Variants in CALHM2 observed in about 807,000 individuals in gnomAD.
CALHM2 encodes the protein calcium homeostasis modulator protein 2.
Under a neutral mutation model 20.4 loss-of-function variants are expected in CALHM2, and 18 were observed. That is an observed-to-expected ratio of 0.88 (90% confidence interval 0.61 to 1.31). The LOEUF (loss-of-function observed/expected upper bound fraction) is 1.31. Among genes scored for constraint, CALHM2 ranks in the 50% most tolerant of loss-of-function variants. CALHM2 has a pLI of 0.00. For synonymous variants in CALHM2, 193 were observed against 192.1 expected (o/e 1.00, Z -0.04); for missense variants, 411 against 435.7 (o/e 0.94, Z 0.50).
In CALHM2 at chr10:103,446,861, C is replaced by T; in HGVS notation, c.*291G>A. 3.0e-6 allele frequency: 1 copy of T among 335,718 alleles called. No individual in the cohort carries two copies. Among genetic ancestry groups the T allele is most frequent in the Non-Finnish European group, 5.3e-6 (1 of 186,924 alleles). The allele number at this position is 335,718 out of a possible 1,614,324, so 20.8% of individuals were successfully genotyped here. A position where few individuals can be genotyped will look rare whatever the true frequency, so the allele number is the denominator to read the frequency against. The stretch of plus-strand genomic sequence containing the variant: ...CCAGAGGCTGCACTGGAGGCCACTT[C>T]CCAGTGGTGCACTGCTGCGCTGGGT... On this transcript the variant is annotated 3_prime_UTR_variant, in exon 4 of 4. Coordinates refer to ENST00000260743, the MANE Select transcript of CALHM2 (RefSeq NM_015916.5).
chr10:103,448,934 C>T (rs1295484585), intron 3 of CALHM2, among the ~76,000 whole-genome samples: 8 of 152,072 alleles, frequency 5.3e-5, no homozygotes, highest in South Asian at 2.1e-4. Flanking sequence ...TCCATCCTGA[C>T]CCAAGGGACT....
rs771980308 is a variant in CALHM2 at position 103,447,145 on chromosome 10, C to T, written c.*7G>A. The stretch of plus-strand genomic sequence containing the variant: ...TGCCATTTACAAAGAGCATGGGAAG[C>T]ACCTCCTTAGGAGGGGAGCAGGGCC... On this transcript the variant is annotated 3_prime_UTR_variant, in exon 4 of 4. Transcript: ENST00000260743. 3 of 1,586,250 alleles carry T rather than the reference C, an allele frequency of 1.9e-6. No homozygotes were observed. Among genetic ancestry groups the T allele is most frequent in the East Asian group, 2.2e-5 (1 of 44,460 alleles).
chr10:103,451,537 T>C (rs970296422), intron 1 of CALHM2: 2 of 153,272 alleles, frequency 1.3e-5, no homozygotes, highest in East Asian at 3.8e-4. Flanking sequence ...GATCACCCCT[T>C]CTGTCCCTGC....
Position 103,449,523 on chromosome 10 carries a change from G to T in CALHM2, c.419C>A (p.Ser140Ter), listed in dbSNP as rs772634502. The change falls in exon 3 of 4, where the codon TCA (serine) becomes TAA (stop). Residue 140 changes from serine (S) to a stop codon, truncating the protein, a stop_gained. Coordinates refer to ENST00000260743, the MANE Select transcript of CALHM2 (RefSeq NM_015916.5). LOFTEE classifies it high-confidence loss of function. ...GAAGTGCTCTTCCCTGGCCGTGAGTGAGGAAGGGTCCACGAACTCACTGAG... is the reference window on the plus strand; with the variant it reads ...GAAGTGCTCTTCCCTGGCCGTGAGTTAGGAAGGGTCCACGAACTCACTGAG... ...CALSEFVDPSSLTAREEHFPS... is the reference protein window; with the variant it reads ...CALSEFVDPS 6 of 1,613,666 alleles carry T rather than the reference G, an allele frequency of 3.7e-6. No individual in the cohort carries two copies. The highest frequency in any genetic ancestry group is 5.1e-6 in the Non-Finnish European group (6 of 1,180,032).
Position 103,448,173 on chromosome 10 carries a change from G to A in CALHM2, c.556-605C>T, listed in dbSNP as rs543219720. ...GTCTTTTTTTTTTGTTTGAGATGGA[G>A]TCTTGCTCTGTCGCCCAGGCTGGAG... On this transcript the variant is annotated intron_variant, in intron 3 of 3. Transcript: ENST00000260743. 2.0e-5 allele frequency among the ~76,000 whole-genome samples: 3 copies of A among 151,344 alleles called. No individual in the cohort carries two copies. The South Asian group carries it at 6.3e-4, about 32-fold the overall frequency.
Position 103,449,543 on chromosome 10 carries a change from A to G in CALHM2, c.399T>C (p.Ser133=). The part of the protein sequence containing the change: ...LRGEAYVCAL[S]EFVDPSSLTA... Reference sequence around the variant, plus strand: ...TGAGTGAGGAAGGGTCCACGAACTCACTGAGAGCACAGACATAAGCCTCAC... The same window carrying G: ...TGAGTGAGGAAGGGTCCACGAACTCGCTGAGAGCACAGACATAAGCCTCAC... The change falls in exon 3 of 4, where the codon AGT becomes AGC. Residue 133 remains serine (S), a synonymous_variant. Coordinates refer to ENST00000260743, the MANE Select transcript of CALHM2 (RefSeq NM_015916.5). 1.9e-6 allele frequency: 3 copies of G among 1,613,700 alleles called. No individual in the cohort carries two copies. Among genetic ancestry groups the G allele is most frequent in the Non-Finnish European group, 2.5e-6 (3 of 1,180,032 alleles).
chr10:103,447,076 T>C lies in CALHM2; in HGVS notation c.*76A>G. ...CAGTTTTTTAAAAATCCCCTTCTGATATGGATGTGAGCAAGCAGTGGGGTT... is the reference window on the plus strand; with the variant it reads ...CAGTTTTTTAAAAATCCCCTTCTGACATGGATGTGAGCAAGCAGTGGGGTT... On this transcript the variant is annotated 3_prime_UTR_variant, in exon 4 of 4. Coordinates refer to ENST00000260743, the MANE Select transcript of CALHM2 (RefSeq NM_015916.5). 7.1e-7 allele frequency: 1 copy of C among 1,402,794 alleles called. No homozygotes were observed. Among genetic ancestry groups the C allele is most frequent in the Non-Finnish European group, 9.7e-7 (1 of 1,029,514 alleles). 86.9% of individuals were successfully genotyped at this position (1,402,794 alleles called of 1,614,324 possible). A position where few individuals can be genotyped will look rare whatever the true frequency, so the allele number is the denominator to read the frequency against.
Position 103,449,957 on chromosome 10 carries a change from G to C in CALHM2, c.-16C>G, listed in dbSNP as rs756140271. ...GGGCTGCCATGGCGATAGTCGTGGC[G>C]GGGTGGATTGCAGGAGAGGAGGCAG... On this transcript the variant is annotated 5_prime_UTR_variant, in exon 3 of 4. Coordinates refer to ENST00000260743, the MANE Select transcript of CALHM2 (RefSeq NM_015916.5). The C allele has an allele frequency of 1.3e-6, 2 of 1,599,976 alleles. No individual in the cohort carries two copies. Among genetic ancestry groups the C allele is most frequent in the Admixed American group, 1.7e-5 (1 of 59,522 alleles).
At chr10:103,449,237 A>T in intron 3 of CALHM2, 150 bp downstream of exon 3, 1 of 736,330 alleles carries the variant, frequency 1.4e-6, no homozygotes, top group South Asian at 1.5e-5. Flanking sequence ...CCCACCATGC[A>T]CCAGTTAACC....
intron 3 of CALHM2, among the ~76,000 whole-genome samples, chr10:103,449,131 A>G (rs1463623576): frequency 6.6e-6 from 1 of 152,210 alleles, no homozygotes. Flanking sequence ...ATGTTCCTTT[A>G]ATGTTTAAAA....
At chr10:103,447,979 G>A (rs955859956) in intron 3 of CALHM2, among the ~76,000 whole-genome samples, 1 of 152,126 alleles carries the variant, frequency 6.6e-6, no homozygotes, top group African/African-American at 2.4e-5. Context: ...TGAAATGCTT[G>A]GAGGGCAAGG....
At chr10:103,449,329 C>T (rs760358527) in intron 3 of CALHM2, 58 bp downstream of exon 3, 50 of 1,489,956 alleles carry the variant, frequency 3.4e-5, no homozygotes, top group Middle Eastern at 1.8e-4. Context: ...AGGCCATCCC[C>T]GGACCTCTCA....
chr10:103,447,571 G>A lies in CALHM2; in HGVS notation c.556-3C>T. Reference sequence around the variant, plus strand: ...CCGATGAGCAGCCATCCAAAGAGCTGGCCAGAGAATGGGCACAGTTCAGGA... The same window carrying A: ...CCGATGAGCAGCCATCCAAAGAGCTAGCCAGAGAATGGGCACAGTTCAGGA... On this transcript the variant is annotated splice_region_variant and splice_polypyrimidine_tract_variant and intron_variant, in intron 3 of 3. Transcript: ENST00000260743. 6.3e-7 allele frequency: 1 copy of A among 1,584,090 alleles called. No individual in the cohort carries two copies. The highest frequency in any genetic ancestry group is 8.6e-7 in the Non-Finnish European group (1 of 1,163,036).
At chr10:103,448,239 C>T (rs181869898) in intron 3 of CALHM2, among the ~76,000 whole-genome samples, 2,285 of 151,756 alleles carry the variant, frequency 0.015, 40 homozygotes, top group African/African-American at 0.05. Flanking sequence ...CTCCACCTTC[C>T]GGGTTCAAGC....
rs1173681204 is a variant in CALHM2, at chr10:103,451,284, A to G, written c.-360T>C. The G allele has an allele frequency of 6.6e-6, 1 of 152,416 alleles. No homozygotes were observed. The highest frequency in any genetic ancestry group is 1.5e-5 in the Non-Finnish European group (1 of 68,208). 9.4% of individuals were successfully genotyped at this position (152,416 alleles called of 1,614,324 possible). On this transcript the variant is annotated splice_region_variant and 5_prime_UTR_variant, in exon 2 of 4. Transcript: ENST00000260743. ...GGTCTGGGCTGTAGCGACGCTGGCA[A>G]CCTGCCGGGAAGTGGCCATGGCCTC...
intron 3 of CALHM2, 114 bp downstream of exon 3, chr10:103,449,273 T>C (rs747176355): frequency 1.1e-6 from 1 of 910,890 alleles, no homozygotes; most frequent in Non-Finnish European, 1.8e-6. Context: ...CGCTAGTGCT[T>C]TCCCACAGAC....
Position 103,447,531 on chromosome 10 carries a change from A to G in CALHM2, c.593T>C (p.Leu198Pro), listed in dbSNP as rs748008272. ...CTTGAGGCACTTGGTCAGGAACACCAGGATGGCCACCACGCCGATGAGCAG... is the reference window on the plus strand; with the variant it reads ...CTTGAGGCACTTGGTCAGGAACACCGGGATGGCCACCACGCCGATGAGCAG... ...GWLLIGVVAI[L>P]VFLTKCLKHY... The change falls in exon 4 of 4, where the codon CTG (leucine) becomes CCG (proline). Residue 198 changes from leucine (L) to proline (P), a missense_variant. By Grantham distance (98) the Leu-to-Pro change is moderately conservative. Coordinates refer to ENST00000260743, the MANE Select transcript of CALHM2 (RefSeq NM_015916.5). 6.8e-6 allele frequency: 11 copies of G among 1,607,130 alleles called. No individual in the cohort carries two copies. In the Admixed American group the frequency reaches 1.2e-4, roughly 17 times the overall value.
chr10:103,449,383 T>C lies in CALHM2; in HGVS notation c.555+4A>G, dbSNP rs757438660. The C allele has an allele frequency of 5.6e-6, 9 of 1,611,702 alleles. No homozygotes were observed. Among genetic ancestry groups the C allele is most frequent in the Middle Eastern group, 1.7e-4 (1 of 6,052 alleles). ...GAGGAGCTTCCCTTTGCACAGCTCCTTACCTGGGACTCATACCTGAGCCTG... is the reference window on the plus strand; with the variant it reads ...GAGGAGCTTCCCTTTGCACAGCTCCCTACCTGGGACTCATACCTGAGCCTG... On this transcript the variant is annotated splice_donor_region_variant and intron_variant, in intron 3 of 3. Transcript: ENST00000260743.
chr10:103,447,013 G>C lies in CALHM2; in HGVS notation c.*139C>G, dbSNP rs1489340143. 1.1e-6 allele frequency: 1 copy of C among 895,772 alleles called. No homozygotes were observed. The highest frequency in any genetic ancestry group is 1.8e-5 in the South Asian group (1 of 54,592). The allele number at this position is 895,772 out of a possible 1,614,324, so 55.5% of individuals were successfully genotyped here. On this transcript the variant is annotated 3_prime_UTR_variant, in exon 4 of 4. Transcript: ENST00000260743. ...GTCTACTGGGTCTGTCCACACCCCA[G>C]ATTGCCTTGTGGTCCTTTCCCCTGG...
Sources: gnomAD v4.1 joint callset for allele counts (sites outside exome capture counted in the v4.1 genomes callset) on GRCh38, gnomAD v4.1.1 for gene constraint, MANE v1.5 for transcripts, NCBI Gene and HGNC (gene_info 2026-07-23, HGNC 2026-07-21) for gene names.